The following CAMTA1 variants were observed in gnomAD, a reference collection of about 807,000 sequenced individuals.
The protein encoded by CAMTA1 is calmodulin binding transcription activator 1.
CAMTA1 carries 27 observed loss-of-function variants against 170.9 expected under a neutral mutation model. That is an observed-to-expected ratio of 0.16 (90% CI 0.12 to 0.22). CAMTA1 has a LOEUF of 0.22. Among genes scored for constraint, CAMTA1 ranks in the 10% least tolerant of loss-of-function variants. The probability of loss-of-function intolerance (pLI) is 1.00; values close to 1 mark genes in which losing one functional copy is unlikely to be tolerated. For missense variants in CAMTA1, 1,619 were observed against 2,217.2 expected (o/e 0.73, Z 5.42); for synonymous variants, 833 against 891.5 (o/e 0.93, Z 1.17).
intron 4 of CAMTA1, among the ~76,000 whole-genome samples, chr1:7,209,656 G>T (rs1321156991): frequency 6.6e-6 from 1 of 152,170 alleles, no homozygotes; most frequent in Non-Finnish European, 1.5e-5. Context: ...AGGTCGCAGT[G>T]GTTGGTAAGC....
chr1:7,175,887 C>T (rs924105270), intron 4 of CAMTA1, among the ~76,000 whole-genome samples: 2 of 152,246 alleles, frequency 1.3e-5, no homozygotes, highest in Admixed American at 1.3e-4. Context: ...CCGATTTACA[C>T]TGTGACTTCA....
At chr1:7,501,947 G>A (rs950200561) in intron 6 of CAMTA1, among the ~76,000 whole-genome samples, 1 of 152,224 alleles carries the variant, frequency 6.6e-6, no homozygotes. Flanking sequence ...GGGACCCCTG[G>A]TGTTTGCAGC....
In CAMTA1 at chr1:7,738,438, A is replaced by G. The variant is rs1172966609; in HGVS notation, c.4138A>G (p.Ser1380Gly). The change falls in exon 16 of 23, where the codon AGT becomes GGT. Residue 1380 changes from serine (S) to glycine (G), a missense_variant. By Grantham distance (56) the Ser-to-Gly change is moderately conservative. Coordinates refer to ENST00000303635, the MANE Select transcript of CAMTA1 (RefSeq NM_015215.4). The surrounding 1 kb of genome is among the most constrained non-coding windows in gnomAD (Gnocchi z 4.9). ...VNTELGSYRD[S>G]AENEECGQPM... Reference sequence around the variant, plus strand: ...TACAGAGCTGGGGTCCTACCGTGATAGTGCAGAAAATGAAGAATGCGGCCA... The same window carrying G: ...TACAGAGCTGGGGTCCTACCGTGATGGTGCAGAAAATGAAGAATGCGGCCA... 6.2e-7 allele frequency: 1 copy of G among 1,614,178 alleles called. No homozygotes were observed. Among genetic ancestry groups the G allele is most frequent in the Non-Finnish European group, 8.5e-7 (1 of 1,180,004 alleles).
At chr1:7,272,692 C>CAAAAAAAAAAAAA (rs371588178) in intron 5 of CAMTA1, among the ~76,000 whole-genome samples, 60 of 38,806 alleles carry the variant, frequency 1.5e-3, no homozygotes, top group African/African-American at 1.9e-3. Context: ...TAAACACATG[C>CAAAAAAAAAAAAA]AAAAAAAAAA....
intron 3 of CAMTA1, among the ~76,000 whole-genome samples, chr1:6,922,150 TC>T (rs1682151403): frequency 6.6e-6 from 1 of 152,204 alleles, no homozygotes; most frequent in Non-Finnish European, 1.5e-5. Flanking sequence ...TTTTTTTAAC[TC>T]CCCCTTTTTC....
rs60946478 is a variant in CAMTA1 at position 7,480,108 on chromosome 1, CGT to C, written c.510+12221_510+12222del. Reference sequence around the variant, plus strand: ...CCGTGTGTGTGCCTGTGTGTGAGAGCGTGTGTGTGTGTGTGAGTATGTGTGTG... The same window carrying C: ...CCGTGTGTGTGCCTGTGTGTGAGAGCGTGTGTGTGTGTGAGTATGTGTGTG... On this transcript the variant is annotated intron_variant, in intron 6 of 22. Transcript: ENST00000303635. Among the ~76,000 whole-genome samples, 355 of 145,286 alleles carry C rather than the reference CGT, an allele frequency of 2.4e-3. 2 individuals are homozygous for C. The highest frequency in any genetic ancestry group is 0.018 in the Admixed American group (261 of 14,702).
At chr1:7,384,800 G>T (rs1174779433) in intron 5 of CAMTA1, among the ~76,000 whole-genome samples, 1 of 152,144 alleles carries the variant, frequency 6.6e-6, no homozygotes, top group Non-Finnish European at 1.5e-5. Flanking sequence ...TGAGTTCCTG[G>T]CAAGGACCCT....
In CAMTA1 at chr1:7,175,019, T is replaced by C. The variant is rs150778127; in HGVS notation, c.303-74472T>C. On this transcript the variant is annotated intron_variant, in intron 4 of 22. Coordinates refer to ENST00000303635, the MANE Select transcript of CAMTA1 (RefSeq NM_015215.4). Reference sequence around the variant, plus strand: ...AAATTAGAAACATAGAAAAAAAATGTCATAAGTTATCTTGGTACATCCTGG... The same window carrying C: ...AAATTAGAAACATAGAAAAAAAATGCCATAAGTTATCTTGGTACATCCTGG... Among the ~76,000 whole-genome samples, 17 of 152,318 alleles carry C rather than the reference T, an allele frequency of 1.1e-4. No homozygotes were observed. The East Asian group carries it at 3.3e-3, about 29-fold the overall frequency.
intron 3 of CAMTA1, among the ~76,000 whole-genome samples, chr1:6,988,916 A>C (rs917458372): frequency 6.6e-6 from 1 of 152,194 alleles, no homozygotes; most frequent in African/African-American, 2.4e-5. Context: ...GGACTGACTG[A>C]GTCTAGACTG....
chr1:7,491,542 C>T (rs1482704597), intron 6 of CAMTA1, among the ~76,000 whole-genome samples: 1 of 152,158 alleles, frequency 6.6e-6, no homozygotes, highest in Non-Finnish European at 1.5e-5. Flanking sequence ...CATTAGTTAA[C>T]CAATCTGGGC....
At chr1:7,577,744 T>C (rs914295171) in intron 6 of CAMTA1, among the ~76,000 whole-genome samples, 3 of 152,334 alleles carry the variant, frequency 2.0e-5, no homozygotes, top group African/African-American at 7.2e-5. Context: ...TTCTGCTTTG[T>C]GGTCTCTGTT....
At chr1:6,848,401 G>T (rs947067098) in intron 3 of CAMTA1, among the ~76,000 whole-genome samples, 8 of 152,066 alleles carry the variant, frequency 5.3e-5, no homozygotes, top group Admixed American at 6.5e-5. Context: ...CTCCCGTTTC[G>T]TCCTCCCAAA....
chr1:7,618,164 TGTC>T (rs1170241874), intron 6 of CAMTA1, among the ~76,000 whole-genome samples: 1 of 152,218 alleles, frequency 6.6e-6, no homozygotes, highest in East Asian at 1.9e-4. Flanking sequence ...GCACATCATC[TGTC>T]TTCTTCACCT....
intron 6 of CAMTA1, among the ~76,000 whole-genome samples, chr1:7,631,002 G>A (rs1390635643): frequency 6.6e-6 from 1 of 152,156 alleles, no homozygotes; most frequent in Non-Finnish European, 1.5e-5. Flanking sequence ...TGCCAACTTT[G>A]GGGACCTAGA....
intron 5 of CAMTA1, among the ~76,000 whole-genome samples, chr1:7,394,891 T>C (rs1380000398): frequency 6.6e-6 from 1 of 151,210 alleles, no homozygotes; most frequent in Admixed American, 6.6e-5. Flanking sequence ...TCTTTTTTTT[T>C]TGTTTTCTGA....
Position 7,065,969 on chromosome 1 carries a change from C to T in CAMTA1, c.235-25335C>T, listed in dbSNP as rs1233936772. ...GCTGGCAGCAGCTGAGCCTCAGGCA[C>T]CCTGAGCAAGCACAAGGCGGAGAAA... On this transcript the variant is annotated intron_variant, in intron 3 of 22. Transcript: ENST00000303635. The surrounding 1 kb of genome is among the most constrained non-coding windows in gnomAD (Gnocchi z 5.2). Among the ~76,000 whole-genome samples the T allele has an allele frequency of 6.6e-6, 1 of 152,028 alleles. No homozygotes were observed. The highest frequency in any genetic ancestry group is 2.4e-5 in the African/African-American group (1 of 41,386).
intron 5 of CAMTA1, among the ~76,000 whole-genome samples, chr1:7,343,234 A>G (rs1574814868): frequency 6.6e-6 from 1 of 152,164 alleles, no homozygotes; most frequent in African/African-American, 2.4e-5. Context: ...AGCGACTCCG[A>G]TGGCTTGGGG....
intron 5 of CAMTA1, among the ~76,000 whole-genome samples, chr1:7,254,333 A>T (rs1283540171): frequency 7.2e-6 from 1 of 139,082 alleles, no homozygotes; most frequent in African/African-American, 3.4e-5. Flanking sequence ...GTCACAGCAC[A>T]GAGGCTGTTG....
rs1335304170 is a variant in CAMTA1, at chr1:7,014,586, G to A, written c.235-76718G>A. On this transcript the variant is annotated intron_variant, in intron 3 of 22. Coordinates refer to ENST00000303635, the MANE Select transcript of CAMTA1 (RefSeq NM_015215.4). The surrounding 1 kb of genome is among the most constrained non-coding windows in gnomAD (Gnocchi z 4.2). ...TATAGGGAGCAATGGCCGAGCTTCT[G>A]TTTTAAGGCAGCAAAACAGCGTGCG... Among the ~76,000 whole-genome samples, 1 of 152,218 alleles carries A rather than the reference G, an allele frequency of 6.6e-6. No individual in the cohort carries two copies.
Sources: gnomAD v4.1 joint callset for allele counts (sites outside exome capture counted in the v4.1 genomes callset) on GRCh38, gnomAD v4.1.1 for gene constraint, Gnocchi (gnomAD v3.1) non-coding constraint, MANE v1.5 for transcripts, NCBI Gene and HGNC (gene_info 2026-07-23, HGNC 2026-07-21) for gene names.